The following EIF5 variants were observed in gnomAD, a reference collection of about 807,000 sequenced individuals.
The protein encoded by EIF5 is eukaryotic translation initiation factor 5.
A neutral mutation model predicts 48.3 loss-of-function variants in EIF5; 10 were observed. The ratio of observed to expected loss-of-function variants is 0.21; its 90% CI spans 0.13 to 0.35. EIF5 has a LOEUF of 0.35. EIF5 is among the 10% of genes least tolerant of loss of function. The probability of loss-of-function intolerance (pLI) is 1.00; values close to 1 mark genes in which losing one functional copy is unlikely to be tolerated. For synonymous variants in EIF5, 237 were observed against 173.1 expected (o/e 1.37, Z -2.90); for missense variants, 397 against 533.2 (o/e 0.74, Z 2.51).
intron 6 of EIF5, 68 bp downstream of exon 6, chr14:103,337,295 G>A: frequency 7.3e-7 from 1 of 1,371,804 alleles, no homozygotes; most frequent in South Asian, 1.3e-5. Context: ...CAAAATAGAA[G>A]GTTTTTTTGT....
At chr14:103,339,947 G>C (rs555881997) in intron 10 of EIF5, 144 bp downstream of exon 10, 6 of 963,340 alleles carry the variant, frequency 6.2e-6, no homozygotes, top group Non-Finnish European at 7.4e-6. Context: ...AAACCTCCAC[G>C]TCCCGGCTTC....
intron 9 of EIF5, 93 bp from the exon 10 acceptor site, chr14:103,339,546 G>C: frequency 6.4e-7 from 1 of 1,566,462 alleles, no homozygotes; most frequent in Non-Finnish European, 8.7e-7. Flanking sequence ...TATGGTATGG[G>C]CCATGCACTT....
At position 103,343,348 on chromosome 14, in the gene EIF5, T is replaced by C. The variant is rs2089375716; in HGVS notation, c.*2296T>C. 2 of 152,240 alleles carry C rather than the reference T, an allele frequency of 1.3e-5. No individual in the cohort carries two copies. The highest frequency in any genetic ancestry group is 1.3e-4 in the Admixed American group (2 of 15,278). The allele number at this position is 152,240 out of a possible 1,614,324, so 9.4% of individuals were successfully genotyped here. Reference sequence around the variant, plus strand: ...TCATTTCATTGGGTCACTGGCTTTATTTGCTAGTCTTGTCTGTGAACTGAG... The same window carrying C: ...TCATTTCATTGGGTCACTGGCTTTACTTGCTAGTCTTGTCTGTGAACTGAG... On this transcript the variant is annotated 3_prime_UTR_variant, in exon 12 of 12. Transcript: ENST00000216554.
rs58774312 is a variant in EIF5 at position 103,341,862 on chromosome 14, T to TAAAC, written c.*812_*813insACAA. ...GAGAGAACTTGCTTTGGGGTGCAAT[T>TAAAC]AATAAACTGATTTTATTTGGGAGAA... On this transcript the variant is annotated 3_prime_UTR_variant, in exon 12 of 12. Coordinates refer to ENST00000216554, the MANE Select transcript of EIF5 (RefSeq NM_001969.5). 33,856 of 152,558 alleles carry TAAAC rather than the reference T, an allele frequency of 0.22. 4,069 individuals are homozygous for TAAAC. Among genetic ancestry groups the TAAAC allele is most frequent in the East Asian group, 0.35 (1,821 of 5,166 alleles). 9.5% of individuals were successfully genotyped at this position (152,558 alleles called of 1,614,324 possible). A position where few individuals can be genotyped will look rare whatever the true frequency, so the allele number is the denominator to read the frequency against.
Position 103,342,638 on chromosome 14 carries a change from T to C in EIF5, c.*1586T>C, listed in dbSNP as rs1421594617. 1 of 152,622 alleles carries C rather than the reference T, an allele frequency of 6.6e-6. No homozygotes were observed. The highest frequency in any genetic ancestry group is 1.9e-4 in the East Asian group (1 of 5,202). The allele number at this position is 152,622 out of a possible 1,614,324, so 9.5% of individuals were successfully genotyped here. On this transcript the variant is annotated 3_prime_UTR_variant, in exon 12 of 12. Coordinates refer to ENST00000216554, the MANE Select transcript of EIF5 (RefSeq NM_001969.5). ...TTGATGTAATAAAACTTGGTTGGCT[T>C]GATATTTTAAGGAATTGAAACCTAG...
At position 103,341,193 on chromosome 14, in the gene EIF5, T is replaced by G; in HGVS notation, c.*141T>G. 2 of 706,456 alleles carry G rather than the reference T, an allele frequency of 2.8e-6. No homozygotes were observed. The highest frequency in any genetic ancestry group is 2.3e-5 in the Admixed American group (1 of 43,678). The allele number at this position is 706,456 out of a possible 1,614,324, so 43.8% of individuals were successfully genotyped here. On this transcript the variant is annotated 3_prime_UTR_variant, in exon 12 of 12. Coordinates refer to ENST00000216554, the MANE Select transcript of EIF5 (RefSeq NM_001969.5). ...TACACTAAAAATCTATTACTGTGAG[T>G]GGTCTGTTATTAAGCCCAATGAGAC...
chr14:103,338,674 C>G (rs1399114456), intron 7 of EIF5, 61 bp from the exon 8 acceptor site: 1 of 1,576,234 alleles, frequency 6.3e-7, no homozygotes, highest in Admixed American at 1.9e-5. Context: ...TTGGCAAAAT[C>G]TGAACCTTTT....
In EIF5 at chr14:103,342,030, T is replaced by C. The variant is rs2089359000; in HGVS notation, c.*978T>C. ...TTAATTTTCCCCTCTTGCAGTTTGT[T>C]CTGTAATGCCTTTTACATTTGGACA... On this transcript the variant is annotated 3_prime_UTR_variant, in exon 12 of 12. Transcript: ENST00000216554. 6.5e-6 allele frequency: 1 copy of C among 152,690 alleles called. No individual in the cohort carries two copies. The highest frequency in any genetic ancestry group is 6.5e-5 in the Admixed American group (1 of 15,288). The allele number at this position is 152,690 out of a possible 1,614,324, so 9.5% of individuals were successfully genotyped here.
rs558067734 is a variant in EIF5 at position 103,340,535 on chromosome 14, G to A, written c.1180G>A (p.Glu394Lys). 1.2e-6 allele frequency: 2 copies of A among 1,612,750 alleles called. No homozygotes were observed. Among genetic ancestry groups the A allele is most frequent in the South Asian group, 2.2e-5 (2 of 91,072 alleles). The change falls in exon 11 of 12, where the codon GAA becomes AAA. Residue 394 changes from glutamate to lysine, a missense_variant. By Grantham distance (56) the Glu-to-Lys change is moderately conservative. This residue lies in a region of EIF5 where 160 missense variants were observed against 184.8 expected (regional missense o/e 0.87). Transcript: ENST00000216554. ...EAEEESSGGE[E>K]EDEDENIEVV... The stretch of plus-strand genomic sequence containing the variant: ...AGAGGAAGAATCTTCTGGTGGCGAA[G>A]AAGAAGATGAAGATGAGAACATTGA...
rs1285927277 is a variant in EIF5, at chr14:103,335,661, C to CGCAG, written c.-199_-196dup. On this transcript the variant is annotated 5_prime_UTR_variant, in exon 3 of 12. An upstream open reading frame in the 5' UTR gains an earlier in-frame stop. Coordinates refer to ENST00000216554, the MANE Select transcript of EIF5 (RefSeq NM_001969.5). ...TTCCCTTTTTCTTTCAGAGCTGTTG[C>CGCAG]GCAGCCATTGGTACCTGTATTGGGG... 1.7e-6 allele frequency: 1 copy of CGCAG among 581,856 alleles called. No homozygotes were observed. Among genetic ancestry groups the CGCAG allele is most frequent in the African/African-American group, 1.9e-5 (1 of 53,568 alleles). 36.0% of individuals were successfully genotyped at this position (581,856 alleles called of 1,614,324 possible).
chr14:103,340,820 C>A, intron 11 of EIF5, 143 bp from the exon 12 acceptor site: 6 of 918,170 alleles, frequency 6.5e-6, no homozygotes, highest in Non-Finnish European at 8.2e-6. Context: ...AGAGAACTTG[C>A]AGTGTTTGCA....
chr14:103,342,063 T>A lies in EIF5; in HGVS notation c.*1011T>A, dbSNP rs1159510416. On this transcript the variant is annotated 3_prime_UTR_variant, in exon 12 of 12. Coordinates refer to ENST00000216554, the MANE Select transcript of EIF5 (RefSeq NM_001969.5). ...GCCTTTTACATTTGGACACATAGTT[T>A]ATGCTTTTTAGATTTTGGTTGCTTT... is the stretch of plus-strand genomic sequence containing the variant. 6.6e-6 allele frequency: 1 copy of A among 152,668 alleles called. No individual in the cohort carries two copies. The highest frequency in any genetic ancestry group is 6.5e-5 in the Admixed American group (1 of 15,282). The allele number at this position is 152,668 out of a possible 1,614,324, so 9.5% of individuals were successfully genotyped here. A position where few individuals can be genotyped will look rare whatever the true frequency, so the allele number is the denominator to read the frequency against.
Position 103,337,112 on chromosome 14 carries a change from G to C in EIF5, c.328-4G>C, listed in dbSNP as rs768930374. ...ATGGATAACATTTGTTATTTTTTTG[G>C]CAGCATGTCAATCCAAAGAAGCAAA... On this transcript the variant is annotated splice_polypyrimidine_tract_variant and splice_region_variant and intron_variant, in intron 5 of 11. Coordinates refer to ENST00000216554, the MANE Select transcript of EIF5 (RefSeq NM_001969.5). The C allele has an allele frequency of 6.9e-6, 11 of 1,603,438 alleles. No homozygotes were observed. The Admixed American group carries it at 1.6e-4, about 23-fold the overall frequency.
In EIF5 at chr14:103,341,068, C is replaced by G. The variant is rs750494701; in HGVS notation, c.*16C>G. ...TGCCATTTAAAGGGATGGATGCAAC[C>G]TAGCTTAACAGTATAATGCTGCAAA... On this transcript the variant is annotated 3_prime_UTR_variant, in exon 12 of 12. Coordinates refer to ENST00000216554, the MANE Select transcript of EIF5 (RefSeq NM_001969.5). 5 of 1,612,736 alleles carry G rather than the reference C, an allele frequency of 3.1e-6. No individual in the cohort carries two copies. Among genetic ancestry groups the G allele is most frequent in the African/African-American group, 1.3e-5 (1 of 74,906 alleles).
At chr14:103,338,236 G>GA in intron 6 of EIF5, 91 bp from the exon 7 acceptor site, 1 of 1,534,322 alleles carries the variant, frequency 6.5e-7, no homozygotes, top group Non-Finnish European at 8.8e-7. Context: ...GGATCCATAG[G>GA]AAAATAAGGG....
At chr14:103,337,062 T>C in intron 5 of EIF5, 54 bp from the exon 6 acceptor site, 1 of 1,522,342 alleles carries the variant, frequency 6.6e-7, no homozygotes, top group Non-Finnish European at 8.9e-7. Context: ...AGATGTCCTC[T>C]GATTAGATAT....
Position 103,339,221 on chromosome 14 carries a change from C to T in EIF5, c.794C>T (p.Ala265Val). ...VIDSSDKEIV[A>V]EAERLDVKAM... ...GATTCATCTGACAAAGAAATCGTTG[C>T]TGAAGCAGAAAGACTGGATGTAAAA... Residue 265 changes from alanine (A) to valine (V), a missense_variant, in exon 9 of 12, where the codon GCT becomes GTT. Coordinates refer to ENST00000216554, the MANE Select transcript of EIF5 (RefSeq NM_001969.5). 1 of 1,610,674 alleles carries T rather than the reference C, an allele frequency of 6.2e-7. No individual in the cohort carries two copies. The highest frequency in any genetic ancestry group is 8.5e-7 in the Non-Finnish European group (1 of 1,179,180).
rs1335696514 is a variant in EIF5 at position 103,338,867 on chromosome 14, G to A, written c.718G>A (p.Val240Ile). 6.2e-7 allele frequency: 1 copy of A among 1,613,800 alleles called. No individual in the cohort carries two copies. The highest frequency in any genetic ancestry group is 1.1e-5 in the South Asian group (1 of 90,924). Residue 240 changes from valine (V) to isoleucine (I), a missense_variant, in exon 8 of 12, where the codon GTC becomes ATC. Val to Ile is a conservative substitution (Grantham distance 29). This residue lies in a region of EIF5 where 126 missense variants were observed against 141.9 expected (regional missense o/e 0.89). Coordinates refer to ENST00000216554, the MANE Select transcript of EIF5 (RefSeq NM_001969.5). ...DDLERTIEER[V>I]NILFDFVKKK... The stretch of plus-strand genomic sequence containing the variant: ...TTTGGAAAGAACAATTGAGGAGAGG[G>A]TCAATATCCTCTTTGATTTTGTTAA...
intron 6 of EIF5, 172 bp from the exon 7 acceptor site, chr14:103,338,155 G>A: frequency 1.1e-6 from 1 of 895,576 alleles, no homozygotes. Context: ...TCTTACGTAT[G>A]AAATACATGA....
Sources: allele counts gnomAD v4.1 joint callset, GRCh38; gene constraint gnomAD v4.1.1; regional missense constraint gnomAD v4.1.1; transcripts MANE v1.5; gene names NCBI Gene and HGNC (gene_info 2026-07-23, HGNC 2026-07-21).